DCAF6: variants seen among roughly 807,000 people sequenced by gnomAD.
The protein encoded by DCAF6 is DDB1 and CUL4 associated factor 6.
Under a neutral mutation model 125.1 loss-of-function variants are expected in DCAF6, and 54 were observed. That is an observed-to-expected ratio of 0.43 (90% CI 0.35 to 0.54). The LOEUF (loss-of-function observed/expected upper bound fraction) is 0.54. Among genes scored for constraint, DCAF6 ranks in the 20% least tolerant of loss-of-function variants. The pLI is 0.01. For synonymous variants in DCAF6, 371 were observed against 390.4 expected (o/e 0.95, Z 0.58); for missense variants, 934 against 1,161.7 (o/e 0.80, Z 2.85).
chr1:168,054,855 T>G (rs2101884317), intron 17 of DCAF6, among the ~76,000 whole-genome samples: 1 of 151,438 alleles, frequency 6.6e-6, no homozygotes, highest in African/African-American at 2.4e-5. Context: ...CTCACTCTGT[T>G]GCCCAGGCTG....
intron 2 of DCAF6, among the ~76,000 whole-genome samples, chr1:167,955,240 G>A (rs141817117): frequency 7.2e-5 from 11 of 152,268 alleles, no homozygotes; most frequent in African/African-American, 2.2e-4. Flanking sequence ...ATGAATATTC[G>A]TGTTGCGTCT....
At chr1:167,905,152 A>G in the DCAF6 span, 4 of 1,614,208 alleles carry the variant, frequency 2.5e-6, no homozygotes, top group Non-Finnish European at 3.4e-6. Flanking sequence ...TTCAAGACAA[A>G]TGTTCAGGAT....
At chr1:167,988,565 A>T (rs149912) in intron 5 of DCAF6, among the ~76,000 whole-genome samples, 69,253 of 151,946 alleles carry the variant, frequency 0.46, 17,971 homozygotes, top group African/African-American at 0.71. Flanking sequence ...ATACATTATT[A>T]AGAGCACAGT....
At position 167,966,548 on chromosome 1, in the gene DCAF6, T is replaced by C. The variant is rs1449005618; in HGVS notation, c.160-81T>C. 1.1e-5 allele frequency: 10 copies of C among 892,140 alleles called. No homozygotes were observed. In the African/African-American group the frequency reaches 1.2e-4, roughly 10 times the overall value. 55.3% of individuals were successfully genotyped at this position (892,140 alleles called of 1,614,324 possible). On this transcript the variant is annotated intron_variant, in intron 2 of 21. Transcript: ENST00000367840. ...TATAACCTCATTAGTGGTAAAAATT[T>C]TGTACCGCCAGGTGAGTGAAAGATG... is the stretch of plus-strand genomic sequence containing the variant.
intron 10 of DCAF6, among the ~76,000 whole-genome samples, chr1:168,010,755 CTA>C (rs1684168551): frequency 6.6e-6 from 1 of 151,976 alleles, no homozygotes; most frequent in African/African-American, 2.4e-5. Flanking sequence ...TTCAAAATAA[CTA>C]TGAATATTTT....
At chr1:167,992,743 T>G (rs1681038370) in intron 6 of DCAF6, among the ~76,000 whole-genome samples, 2 of 152,262 alleles carry the variant, frequency 1.3e-5, no homozygotes, top group South Asian at 4.1e-4. Flanking sequence ...AATAGTATTC[T>G]TAACTCTGTA....
At chr1:167,941,615 C>T (rs887552676) in intron 1 of DCAF6, among the ~76,000 whole-genome samples, 6 of 151,616 alleles carry the variant, frequency 4.0e-5, no homozygotes, top group East Asian at 1.9e-4. Context: ...TGGTAGAGTA[C>T]GCACTAATGA....
At chr1:167,899,879 C>T in the DCAF6 span, among the ~76,000 whole-genome samples, 1 of 152,196 alleles carries the variant, frequency 6.6e-6, no homozygotes, top group Non-Finnish European at 1.5e-5. Context: ...ACTACATGGT[C>T]CTACCAGTCC....
chr1:167,983,128 A>G (rs1679455768), intron 4 of DCAF6, among the ~76,000 whole-genome samples: 1 of 152,064 alleles, frequency 6.6e-6, no homozygotes, highest in Non-Finnish European at 1.5e-5. Context: ...TTTGCTTAAG[A>G]TTGCTTTGGC....
At chr1:168,073,500 C>G (rs1693393879) in intron 21 of DCAF6, among the ~76,000 whole-genome samples, 1 of 152,102 alleles carries the variant, frequency 6.6e-6, no homozygotes, top group African/African-American at 2.4e-5. Context: ...TATCGTAAGA[C>G]TCTTGGCCCT....
intron 2 of DCAF6, among the ~76,000 whole-genome samples, chr1:167,958,853 G>T (rs570523235): frequency 3.5e-4 from 54 of 152,258 alleles, no homozygotes; most frequent in African/African-American, 1.2e-3. Context: ...TGGTACATTT[G>T]CTGTATTTCA....
At chr1:167,925,480 T>C in the DCAF6 span, among the ~76,000 whole-genome samples, 159 of 134,862 alleles carry the variant, frequency 1.2e-3, no homozygotes, top group East Asian at 0.013. Flanking sequence ...TATATACATA[T>C]ACATATACAC....
At chr1:168,063,066 C>G (rs1691814100) in intron 17 of DCAF6, among the ~76,000 whole-genome samples, 1 of 152,042 alleles carries the variant, frequency 6.6e-6, no homozygotes, top group South Asian at 2.1e-4. Context: ...CGCCCGCTGC[C>G]AAACCTGGCT....
At chr1:167,977,334 A>T (rs1251760562) in intron 4 of DCAF6, among the ~76,000 whole-genome samples, 1 of 145,186 alleles carries the variant, frequency 6.9e-6, no homozygotes, top group Admixed American at 7.0e-5. Context: ...TTTTTTTTTT[A>T]AATGCCAGTT....
chr1:167,937,010 T>C lies in DCAF6; in HGVS notation c.97+2T>C. On this transcript the variant is annotated splice_donor_variant, in intron 1 of 21. Transcript: ENST00000367840. LOFTEE classifies it high-confidence loss of function. The stretch of plus-strand genomic sequence containing the variant: ...CCCGGCTGCGGAGTCGCTACCTGGG[T>C]GAGCGGGGGCCCCGGGGCGGAGGCG... 1 of 1,606,686 alleles carries C rather than the reference T, an allele frequency of 6.2e-7. No homozygotes were observed. Among genetic ancestry groups the C allele is most frequent in the South Asian group, 1.1e-5 (1 of 89,664 alleles).
the DCAF6 span, among the ~76,000 whole-genome samples, chr1:167,891,580 C>T: frequency 5.3e-5 from 8 of 150,490 alleles, no homozygotes; most frequent in African/African-American, 9.8e-5. Context: ...GGCATGAACC[C>T]GGGAGGCGGA....
intron 1 of DCAF6, among the ~76,000 whole-genome samples, chr1:167,939,287 T>TA (rs1479352216): frequency 5.3e-5 from 8 of 152,184 alleles, no homozygotes; most frequent in Non-Finnish European, 1.2e-4. Context: ...TATTGGGGTA[T>TA]AATTGACAAT....
chr1:167,974,052 A>G (rs781675892), intron 3 of DCAF6, among the ~76,000 whole-genome samples: 1 of 152,130 alleles, frequency 6.6e-6, no homozygotes, highest in Non-Finnish European at 1.5e-5. Flanking sequence ...TCTGTTGTCA[A>G]GCTCTTGAAT....
chr1:167,888,309 T>C, the DCAF6 span, among the ~76,000 whole-genome samples: 1 of 152,316 alleles, frequency 6.6e-6, no homozygotes, highest in African/African-American at 2.4e-5. Context: ...TCTATTTCTG[T>C]GAAGAATGTC....
Sources: gnomAD v4.1 joint callset for allele counts (sites outside exome capture counted in the v4.1 genomes callset) on GRCh38, gnomAD v4.1.1 for gene constraint, MANE v1.5 for transcripts, NCBI Gene and HGNC (gene_info 2026-07-23, HGNC 2026-07-21) for gene names.